The following LMBR1 variants were observed in gnomAD, a reference collection of about 807,000 sequenced individuals.
The protein encoded by LMBR1 is limb region 1 protein homolog.
LMBR1 carries 52 observed loss-of-function variants against 73.9 expected under a neutral mutation model. That is an observed-to-expected ratio of 0.70 (90% CI 0.56 to 0.89). The LOEUF is 0.89. LMBR1 is among the 40% of genes least tolerant of loss of function. The pLI is 0.00. For synonymous variants in LMBR1, 215 were observed against 209.4 expected, an observed-to-expected ratio of 1.03 and a Z score of -0.23; for missense variants, 539 against 579.8, an observed-to-expected ratio of 0.93 and a Z score of 0.72.
intron 10 of LMBR1, chr7:156,733,914 G>A (rs1301168914): frequency 7.4e-6 from 2 of 269,320 alleles, no homozygotes; most frequent in Admixed American, 9.9e-5. Flanking sequence ...TGGAAATAAT[G>A]CAAGTGAGAA....
At chr7:156,861,987 ACT>A (rs1797786871) in intron 1 of LMBR1, among the ~76,000 whole-genome samples, 1 of 151,844 alleles carries the variant, frequency 6.6e-6, no homozygotes, top group South Asian at 2.1e-4. Context: ...TGTTCCAACC[ACT>A]CTCTGTTCCC....
At chr7:156,841,117 G>A (rs1053447574) in intron 1 of LMBR1, among the ~76,000 whole-genome samples, 1 of 152,034 alleles carries the variant, frequency 6.6e-6, no homozygotes, top group South Asian at 2.1e-4. Context: ...TTCTGGGCAC[G>A]TTTTGAAAGC....
intron 5 of LMBR1, among the ~76,000 whole-genome samples, chr7:156,777,111 A>G (rs747375706): frequency 6.6e-6 from 1 of 151,874 alleles, no homozygotes; most frequent in Non-Finnish European, 1.5e-5. Flanking sequence ...TTATCTCTGT[A>G]TTTTTAGTAG....
At chr7:156,841,064 A>G (rs939563093) in intron 1 of LMBR1, among the ~76,000 whole-genome samples, 30 of 151,982 alleles carry the variant, frequency 2.0e-4, no homozygotes, top group African/African-American at 6.8e-4. Context: ...AGCCGAGAGC[A>G]GCCACTCGGA....
rs554464561 is a variant in LMBR1, at chr7:156,799,906, C to T, written c.320-3414G>A. Among the ~76,000 whole-genome samples the T allele has an allele frequency of 1.2e-4, 19 of 152,330 alleles. No homozygotes were observed. The South Asian group carries it at 3.3e-3, about 27-fold the overall frequency. Reference sequence around the variant, plus strand: ...TTGTGCTCTGGACAGATCACACCAGCCACAACATTCCCTAAAGCCACAGCC... The same window carrying T: ...TTGTGCTCTGGACAGATCACACCAGTCACAACATTCCCTAAAGCCACAGCC... On this transcript the variant is annotated intron_variant, in intron 4 of 16. Coordinates refer to ENST00000353442, the MANE Select transcript of LMBR1 (RefSeq NM_022458.4).
intron 10 of LMBR1, among the ~76,000 whole-genome samples, chr7:156,729,969 G>A (rs766465361): frequency 3.9e-5 from 6 of 152,198 alleles, no homozygotes; most frequent in Non-Finnish European, 7.4e-5. Context: ...ATTCTGTGAA[G>A]TAAACTGAGC....
chr7:156,776,069 A>G (rs1395502172), intron 5 of LMBR1, among the ~76,000 whole-genome samples: 1 of 148,542 alleles, frequency 6.7e-6, no homozygotes. Flanking sequence ...TATATTATAT[A>G]TGTAAATTAT....
intron 1 of LMBR1, among the ~76,000 whole-genome samples, chr7:156,881,637 A>G (rs1801103239): frequency 6.6e-6 from 1 of 152,202 alleles, no homozygotes; most frequent in African/African-American, 2.4e-5. Flanking sequence ...AGTAAAAACA[A>G]CTAGTAACTT....
chr7:156,716,158 A>G (rs1585340075), intron 15 of LMBR1, among the ~76,000 whole-genome samples: 1 of 152,348 alleles, frequency 6.6e-6, no homozygotes, highest in East Asian at 1.9e-4. Context: ...ACAGGTACGT[A>G]TAATACAAGG....
At chr7:156,814,402 G>C (rs1320755210) in intron 4 of LMBR1, among the ~76,000 whole-genome samples, 2 of 152,180 alleles carry the variant, frequency 1.3e-5, no homozygotes, top group Admixed American at 1.3e-4. Context: ...AATCAGTTTT[G>C]TAAAATGGAA....
intron 9 of LMBR1, among the ~76,000 whole-genome samples, chr7:156,752,600 A>C (rs910270200): frequency 4.6e-5 from 7 of 152,190 alleles, no homozygotes; most frequent in Admixed American, 2.0e-4. Context: ...GAGGGTTGGC[A>C]TGAAGGAAAA....
chr7:156,806,648 C>T (rs537605146), intron 4 of LMBR1, among the ~76,000 whole-genome samples: 71 of 121,198 alleles, frequency 5.9e-4, no homozygotes, highest in African/African-American at 2.0e-3. Context: ...CTCACTCTGT[C>T]GCCCAGGCTG....
intron 3 of LMBR1, among the ~76,000 whole-genome samples, chr7:156,830,856 T>C (rs1284529201): frequency 6.6e-6 from 1 of 152,184 alleles, no homozygotes; most frequent in African/African-American, 2.4e-5. Flanking sequence ...GAGTGCCTGC[T>C]CCCGTGCCAG....
chr7:156,874,795 G>A (rs1275468130), intron 1 of LMBR1, among the ~76,000 whole-genome samples: 1 of 152,212 alleles, frequency 6.6e-6, no homozygotes, highest in Non-Finnish European at 1.5e-5. Flanking sequence ...AATCTGTACA[G>A]CAGCCTTGAG....
chr7:156,891,470 T>C (rs1000840751), intron 1 of LMBR1, among the ~76,000 whole-genome samples: 4 of 151,490 alleles, frequency 2.6e-5, no homozygotes, highest in Non-Finnish European at 5.9e-5. Context: ...TACGGTAAGA[T>C]TCCATTTACA....
chr7:156,772,747 C>A (rs1825427804), intron 5 of LMBR1, among the ~76,000 whole-genome samples: 1 of 151,968 alleles, frequency 6.6e-6, no homozygotes, highest in Non-Finnish European at 1.5e-5. Context: ...ACTAGGGAGA[C>A]TGAGGCAGGA....
chr7:156,871,809 T>C (rs1045033771), intron 1 of LMBR1, among the ~76,000 whole-genome samples: 5 of 152,148 alleles, frequency 3.3e-5, no homozygotes, highest in Admixed American at 3.3e-4. Flanking sequence ...ATAAAGGCCA[T>C]ATATGAAAAG....
At chr7:156,735,889 G>T (rs1817771309) in intron 9 of LMBR1, among the ~76,000 whole-genome samples, 1 of 152,008 alleles carries the variant, frequency 6.6e-6, no homozygotes, top group African/African-American at 2.4e-5. Context: ...GAGTTCATTG[G>T]CTATAGGCAA....
chr7:156,888,901 A>G (rs1343240613), intron 1 of LMBR1, among the ~76,000 whole-genome samples: 1 of 152,112 alleles, frequency 6.6e-6, no homozygotes, highest in Non-Finnish European at 1.5e-5. Context: ...TAAAAATACA[A>G]AAATTAGCCA....
Sources: allele counts gnomAD v4.1 joint callset (sites outside exome capture counted in the v4.1 genomes callset), GRCh38; gene constraint gnomAD v4.1.1; transcripts MANE v1.5; gene names NCBI Gene and HGNC (gene_info 2026-07-23, HGNC 2026-07-21).